P2RY8: variants seen among roughly 807,000 people sequenced by gnomAD.
The protein encoded by P2RY8 is P2Y receptor family member 8.
Under a neutral mutation model 10.0 loss-of-function variants are expected in P2RY8, and 6 were observed. The observed-to-expected ratio is 0.60, with a 90% confidence interval of 0.33 to 1.19. The LOEUF is 1.19. Among genes scored for constraint, P2RY8 ranks in the 50% most tolerant of loss-of-function variants. The pLI is 0.04. For missense variants in P2RY8, 456 were observed against 542.0 expected (o/e 0.84, Z 1.58); for synonymous variants, 276 against 252.5 (o/e 1.09, Z -0.88).
At chrX:1,472,993 G>T (rs1487448800) in intron 1 of P2RY8, among the ~76,000 whole-genome samples, 5 of 113,092 alleles carry the variant, frequency 4.4e-5, no homozygotes, top group Non-Finnish European at 9.3e-5. Context: ...GGGGTGGGTG[G>T]GAGGGTGGAT....
Position 1,466,526 on chromosome X carries a change from G to A in P2RY8, c.33C>T (p.Asn11=). The change falls in exon 2 of 2, where the codon AAC becomes AAT. Residue 11 remains asparagine (N), a synonymous_variant. Coordinates refer to ENST00000381297, the MANE Select transcript of P2RY8 (RefSeq NM_178129.5). MQVPNSTGPD[N]ATLQMLRNPA... Reference sequence around the variant, plus strand: ...GGTTCCGCAGCATCTGCAGCGTCGCGTTGTCCGGGCCGGTGCTGTTCGGGA... The same window carrying A: ...GGTTCCGCAGCATCTGCAGCGTCGCATTGTCCGGGCCGGTGCTGTTCGGGA... 1.2e-6 allele frequency: 2 copies of A among 1,609,326 alleles called. No individual in the cohort carries two copies. The highest frequency in any genetic ancestry group is 1.7e-6 in the Non-Finnish European group (2 of 1,179,400).
chrX:1,482,850 A>C (rs1188034715), intron 1 of P2RY8, among the ~76,000 whole-genome samples: 3 of 151,468 alleles, frequency 2.0e-5, no homozygotes, highest in East Asian at 3.9e-4. Flanking sequence ...AGGACAAAAA[A>C]CCAAACACTG....
chrX:1,503,819 C>T (rs1480492761), intron 1 of P2RY8, among the ~76,000 whole-genome samples: 1 of 151,860 alleles, frequency 6.6e-6, no homozygotes, highest in African/African-American at 2.4e-5. Context: ...CACTTGAACC[C>T]GGGAGGCAGA....
At chrX:1,488,636 GA>G (rs2092009156) in intron 1 of P2RY8, among the ~76,000 whole-genome samples, 1 of 152,084 alleles carries the variant, frequency 6.6e-6, no homozygotes, top group South Asian at 2.1e-4. Context: ...CCTCCATGAA[GA>G]CCCTCTCCTC....
chrX:1,519,188 TCTCAATATTCTCTCTGAGC>T (rs1392504601), intron 1 of P2RY8, among the ~76,000 whole-genome samples: 9 of 151,676 alleles, frequency 5.9e-5, no homozygotes, highest in South Asian at 2.1e-4. Context: ...ATCTCTGAGA[TCTCAATATTCTCTCTGAGC>T]CTCAATATTC....
At chrX:1,511,002 C>A (rs1156806561) in intron 1 of P2RY8, among the ~76,000 whole-genome samples, 1 of 151,974 alleles carries the variant, frequency 6.6e-6, no homozygotes, top group Non-Finnish European at 1.5e-5. Flanking sequence ...CACAGTGAAA[C>A]CCCGTCTCTA....
At chrX:1,497,031 C>A (rs1403725552) in intron 1 of P2RY8, among the ~76,000 whole-genome samples, 1 of 148,974 alleles carries the variant, frequency 6.7e-6, no homozygotes, top group Non-Finnish European at 1.5e-5. Flanking sequence ...CCAGTCTGAT[C>A]AACATGGTGA....
At chrX:1,497,138 C>T (rs1211857811) in intron 1 of P2RY8, among the ~76,000 whole-genome samples, 1 of 146,578 alleles carries the variant, frequency 6.8e-6, no homozygotes, top group Non-Finnish European at 1.5e-5. Context: ...AGGAGAATCA[C>T]TTCAACCCGG....
At chrX:1,535,072 T>G (rs1268833181) in intron 1 of P2RY8, among the ~76,000 whole-genome samples, 1 of 149,976 alleles carries the variant, frequency 6.7e-6, no homozygotes, top group African/African-American at 2.5e-5. Flanking sequence ...TCTTGTGGGG[T>G]GGGGGAGGCC....
In P2RY8 at chrX:1,489,627, C is replaced by T. The variant is rs1317905846; in HGVS notation, c.-24-23045G>A. Among the ~76,000 whole-genome samples the T allele has an allele frequency of 6.0e-5, 9 of 151,016 alleles. No homozygotes were observed. The East Asian group carries it at 1.7e-3, about 29-fold the overall frequency. ...GTGGAGGGAACGAATGAATGACATC[C>T]AGGGCTTCCCTGCAAATGTGGAGGG... On this transcript the variant is annotated intron_variant, in intron 1 of 1. Coordinates refer to ENST00000381297, the MANE Select transcript of P2RY8 (RefSeq NM_178129.5).
chrX:1,487,907 G>A (rs1313780412), intron 1 of P2RY8, among the ~76,000 whole-genome samples: 4 of 152,080 alleles, frequency 2.6e-5, no homozygotes, highest in African/African-American at 7.2e-5. Context: ...TCAGGAGATC[G>A]AGACCATCCT....
chrX:1,489,166 G>A (rs1463822222), intron 1 of P2RY8, among the ~76,000 whole-genome samples: 2 of 151,812 alleles, frequency 1.3e-5, no homozygotes, highest in East Asian at 1.9e-4. Context: ...AAAAGTGGAG[G>A]GAATGAATGA....
chrX:1,493,371 GAGGA>G (rs2092076282), intron 1 of P2RY8, among the ~76,000 whole-genome samples: 3 of 50,646 alleles, frequency 5.9e-5, no homozygotes, highest in South Asian at 1.2e-3. Context: ...GAGGGGGAGG[GAGGA>G]AGGAGGAAGG....
intron 1 of P2RY8, among the ~76,000 whole-genome samples, chrX:1,488,410 G>C (rs1195528610): frequency 6.6e-6 from 1 of 152,184 alleles, no homozygotes; most frequent in Non-Finnish European, 1.5e-5. Flanking sequence ...CCTGCAGAAA[G>C]CTGTGTCCCC....
At chrX:1,516,920 T>A (rs1195710408) in intron 1 of P2RY8, among the ~76,000 whole-genome samples, 1 of 151,260 alleles carries the variant, frequency 6.6e-6, no homozygotes, top group East Asian at 2.0e-4. Flanking sequence ...ACAATCAATG[T>A]CTGTTGTGTA....
intron 1 of P2RY8, among the ~76,000 whole-genome samples, chrX:1,468,501 C>A (rs1311898280): frequency 1.3e-5 from 2 of 152,182 alleles, no homozygotes; most frequent in Admixed American, 6.5e-5. Context: ...CAAGAAATTA[C>A]CTCTAACTGA....
chrX:1,498,266 T>C (rs766062907), intron 1 of P2RY8, among the ~76,000 whole-genome samples: 116 of 150,718 alleles, frequency 7.7e-4, no homozygotes, highest in South Asian at 3.4e-3. Context: ...ATTAGCCGGG[T>C]GTGGTGGCGG....
chrX:1,505,402 G>A (rs2092223158), intron 1 of P2RY8, among the ~76,000 whole-genome samples: 1 of 152,170 alleles, frequency 6.6e-6, no homozygotes, highest in African/African-American at 2.4e-5. Flanking sequence ...TTTCCTCGTG[G>A]CCAGCAAGGA....
At position 1,532,337 on chromosome X, in the gene P2RY8, T is replaced by TATGTATATGATGTGTATATACACAC. The variant is rs1569538936; in HGVS notation, c.-25+4583_-25+4584insGTGTGTATATACACATCATATACAT. Reference sequence around the variant, plus strand: ...ATATACACACACGTATATATACACATATATGTATATGATGTGTATATATAC... The same window carrying TATGTATATGATGTGTATATACACAC: ...ATATACACACACGTATATATACACATATGTATATGATGTGTATATACACACATATGTATATGATGTGTATATATAC... On this transcript the variant is annotated intron_variant, in intron 1 of 1. Coordinates refer to ENST00000381297, the MANE Select transcript of P2RY8 (RefSeq NM_178129.5). Among the ~76,000 whole-genome samples, 32 of 141,636 alleles carry TATGTATATGATGTGTATATACACAC rather than the reference T, an allele frequency of 2.3e-4. 1 individual carries two copies. The highest frequency in any genetic ancestry group is 9.2e-4 in the South Asian group (4 of 4,348). The allele number at this position is 141,636 out of a possible 152,430, so 92.9% of individuals were successfully genotyped here.
Sources: allele counts gnomAD v4.1 joint callset (sites outside exome capture counted in the v4.1 genomes callset), GRCh38; gene constraint gnomAD v4.1.1; transcripts MANE v1.5; gene names NCBI Gene and HGNC (gene_info 2026-07-23, HGNC 2026-07-21).